Variants in PRKAR2B observed in about 807,000 individuals in gnomAD.
The protein encoded by PRKAR2B is cAMP-dependent protein kinase type II-beta regulatory subunit.
In PRKAR2B, 14 loss-of-function variants were observed where a neutral mutation model predicts 49.9. The observed-to-expected ratio is 0.28, with a 90% confidence interval of 0.19 to 0.44. PRKAR2B has a LOEUF of 0.44. Among genes scored for constraint, PRKAR2B ranks in the 20% least tolerant of loss-of-function variants. The pLI is 1.00. For synonymous variants in PRKAR2B, 196 were observed against 197.7 expected, an observed-to-expected ratio of 0.99 and a Z score of 0.07; for missense variants, 393 against 537.9, an observed-to-expected ratio of 0.73 and a Z score of 2.67.
intron 2 of PRKAR2B, chr7:107,077,439 A>C (rs1199432863): frequency 2.0e-5 from 3 of 152,192 alleles, no homozygotes; most frequent in Non-Finnish European, 4.4e-5. Flanking sequence ...CCTCACAGGA[A>C]GGGTACTATT....
intron 1 of PRKAR2B, 126 bp from the exon 2 acceptor site, chr7:107,070,155 T>A: frequency 1.8e-6 from 1 of 568,428 alleles, no homozygotes; most frequent in Non-Finnish European, 3.0e-6. Context: ...ATTCATGGTA[T>A]TTCCTCTTAT....
chr7:107,082,987 A>G (rs1794542730), intron 2 of PRKAR2B, among the ~76,000 whole-genome samples: 1 of 152,104 alleles, frequency 6.6e-6, no homozygotes, highest in East Asian at 1.9e-4. Context: ...CCTGCAGGAG[A>G]GTCACAATGT....
Position 107,045,213 on chromosome 7 carries a change from T to C in PRKAR2B, c.306T>C (p.Asn102=). The stretch of plus-strand genomic sequence containing the variant: ...CGCCCGCGGACGCAGGGGCGTTCAA[T>C]GGTGAGGACCAGACCCCCCACTTCG... The part of the protein sequence containing the change: ...EAAPADAGAF[N]APVINRFTRR... Residue 102 remains asparagine (N), a splice_region_variant and synonymous_variant, in exon 1 of 11, where the codon AAT becomes AAC. Transcript: ENST00000265717. 1 of 1,449,126 alleles carries C rather than the reference T, an allele frequency of 6.9e-7. No homozygotes were observed. The highest frequency in any genetic ancestry group is 9.1e-7 in the Non-Finnish European group (1 of 1,102,284). 89.8% of individuals were successfully genotyped at this position (1,449,126 alleles called of 1,614,324 possible).
chr7:107,103,066 A>G (rs1447215229), intron 2 of PRKAR2B, among the ~76,000 whole-genome samples: 4 of 152,218 alleles, frequency 2.6e-5, no homozygotes, highest in Non-Finnish European at 5.9e-5. Flanking sequence ...TGAAATGTTC[A>G]TATTTCAAAC....
At chr7:107,144,037 G>A (rs902195911) in intron 5 of PRKAR2B, among the ~76,000 whole-genome samples, 4 of 151,468 alleles carry the variant, frequency 2.6e-5, no homozygotes, top group African/African-American at 9.7e-5. Context: ...GAATGACATT[G>A]AAAACCAATT....
At chr7:107,113,311 A>C (rs1186857391) in intron 2 of PRKAR2B, among the ~76,000 whole-genome samples, 2 of 152,222 alleles carry the variant, frequency 1.3e-5, no homozygotes, top group Admixed American at 6.5e-5. Context: ...AGATGATCGT[A>C]TTATCTAAAC....
chr7:107,116,099 T>C (rs1263060424), intron 2 of PRKAR2B, among the ~76,000 whole-genome samples: 2 of 152,248 alleles, frequency 1.3e-5, no homozygotes, highest in Non-Finnish European at 2.9e-5. Context: ...ATATGCAGTA[T>C]GCAATTTCTT....
intron 2 of PRKAR2B, among the ~76,000 whole-genome samples, chr7:107,095,821 G>A (rs980019916): frequency 6.6e-6 from 1 of 152,204 alleles, no homozygotes; most frequent in South Asian, 2.1e-4. Flanking sequence ...ATTTGCGTAT[G>A]TTGAACCAGC....
At chr7:107,058,295 A>G (rs763296499) in intron 1 of PRKAR2B, among the ~76,000 whole-genome samples, 34 of 152,198 alleles carry the variant, frequency 2.2e-4, no homozygotes, top group Non-Finnish European at 4.0e-4. Flanking sequence ...GTAGAAAAAC[A>G]AAACTGTGTG....
chr7:107,128,917 A>G (rs1175013865), intron 4 of PRKAR2B: 1 of 150,776 alleles, frequency 6.6e-6, no homozygotes, highest in East Asian at 2.0e-4. Flanking sequence ...ACTGTGATGT[A>G]CATATTCTGC....
chr7:107,100,342 A>G (rs1336209478), intron 2 of PRKAR2B, among the ~76,000 whole-genome samples: 1 of 152,110 alleles, frequency 6.6e-6, no homozygotes, highest in Admixed American at 6.5e-5. Context: ...TCTGACTTCC[A>G]TTGTTTCTGA....
At chr7:107,138,015 C>G (rs554521125) in intron 4 of PRKAR2B, among the ~76,000 whole-genome samples, 1 of 152,044 alleles carries the variant, frequency 6.6e-6, no homozygotes, top group African/African-American at 2.4e-5. Context: ...GAAAATTCAT[C>G]CTGTATTGTT....
intron 6 of PRKAR2B, among the ~76,000 whole-genome samples, chr7:107,150,586 CAG>C (rs35423186): frequency 0.84 from 127,427 of 151,618 alleles, 53,708 homozygotes; most frequent in East Asian, 0.93. Context: ...AGTAAAAGAA[CAG>C]AGTGCTAGTA....
chr7:107,141,143 A>G (rs903822698), intron 5 of PRKAR2B, among the ~76,000 whole-genome samples, 190 bp downstream of exon 5: 1 of 152,224 alleles, frequency 6.6e-6, no homozygotes, highest in Non-Finnish European at 1.5e-5. Flanking sequence ...GAAAAGAGAC[A>G]TAGTTTATAG....
intron 2 of PRKAR2B, among the ~76,000 whole-genome samples, chr7:107,101,498 C>T (rs772645852): frequency 2.0e-5 from 3 of 152,252 alleles, no homozygotes; most frequent in Admixed American, 2.0e-4. Context: ...CCTACCCACA[C>T]TGCCTTCCAG....
At chr7:107,120,643 C>G (rs1254750454) in intron 2 of PRKAR2B, among the ~76,000 whole-genome samples, 1 of 152,062 alleles carries the variant, frequency 6.6e-6, no homozygotes, top group African/African-American at 2.4e-5. Flanking sequence ...AGTAAATCTT[C>G]AGATTTGCAA....
intron 1 of PRKAR2B, among the ~76,000 whole-genome samples, chr7:107,061,888 C>T (rs1478714681): frequency 6.6e-6 from 1 of 152,088 alleles, no homozygotes; most frequent in African/African-American, 2.4e-5. Context: ...CAGAGTGAGA[C>T]TCTGTCTCGG....
intron 4 of PRKAR2B, among the ~76,000 whole-genome samples, chr7:107,129,885 G>T (rs772909983): frequency 6.6e-6 from 1 of 152,088 alleles, no homozygotes; most frequent in South Asian, 2.1e-4. Context: ...GGTCACTCTC[G>T]TCACCATCTC....
intron 2 of PRKAR2B, among the ~76,000 whole-genome samples, chr7:107,110,825 G>A (rs943962981): frequency 1.3e-5 from 2 of 152,060 alleles, no homozygotes; most frequent in African/African-American, 2.4e-5. Context: ...CTTCAGGTGA[G>A]ACTTTACACA....
Sources: gnomAD v4.1 joint callset for allele counts (sites outside exome capture counted in the v4.1 genomes callset) on GRCh38, gnomAD v4.1.1 for gene constraint, MANE v1.5 for transcripts, NCBI Gene and HGNC (gene_info 2026-07-23, HGNC 2026-07-21) for gene names.